Variants in MAST2 observed in about 807,000 individuals in gnomAD.
MAST2 encodes microtubule-associated serine/threonine-protein kinase 2.
In MAST2, 70 loss-of-function variants were observed where a neutral mutation model predicts 147.4. The observed-to-expected ratio is 0.47, with a 90% CI of 0.39 to 0.58. The LOEUF (loss-of-function observed/expected upper bound fraction) is 0.58, where lower values mean the gene tolerates loss of function less well. Among genes scored for constraint, MAST2 ranks in the 20% least tolerant of loss-of-function variants. MAST2 has a pLI of 0.00. For synonymous variants in MAST2, 869 were observed against 896.8 expected, an observed-to-expected ratio of 0.97 and a Z score of 0.55; for missense variants, 2,080 against 2,302.3, an observed-to-expected ratio of 0.90 and a Z score of 1.98.
chr1:45,910,805 G>T (rs1208046635), intron 4 of MAST2, among the ~76,000 whole-genome samples: 3 of 152,142 alleles, frequency 2.0e-5, no homozygotes, highest in Admixed American at 2.0e-4. Flanking sequence ...CATAATCTCA[G>T]GCAGAGTTCT....
intron 4 of MAST2, among the ~76,000 whole-genome samples, chr1:45,884,921 G>A (rs1647017881): frequency 6.6e-6 from 1 of 152,190 alleles, no homozygotes; most frequent in Admixed American, 6.5e-5. Flanking sequence ...AACAGTTAAA[G>A]TTCCATGGTA....
intron 4 of MAST2, among the ~76,000 whole-genome samples, chr1:45,898,290 T>G (rs1649112043): frequency 6.6e-6 from 1 of 152,118 alleles, no homozygotes; most frequent in Admixed American, 6.5e-5. Context: ...AGCACATACG[T>G]CCTTATGATC....
rs13374118 is a variant in MAST2, at chr1:45,963,221, G to A, written c.592+3744G>A. ...CTGATGCCTCCAGCTTTGTTCTTTT[G>A]GCTTAGGATTGTCTTGGCAATGCGG... On this transcript the variant is annotated intron_variant, in intron 5 of 28. Coordinates refer to ENST00000361297, the MANE Select transcript of MAST2 (RefSeq NM_015112.3). 6.4e-3 allele frequency among the ~76,000 whole-genome samples: 979 copies of A among 152,216 alleles called. 13 individuals carry two copies. Among genetic ancestry groups the A allele is most frequent in the African/African-American group, 0.023 (935 of 41,526 alleles).
chr1:45,925,131 C>G (rs1423644298), intron 4 of MAST2, among the ~76,000 whole-genome samples: 3 of 152,152 alleles, frequency 2.0e-5, no homozygotes. Flanking sequence ...TGCTTAAGGT[C>G]TTAAGCCTCT....
At chr1:45,866,852 C>A (rs1249556843) in intron 3 of MAST2, among the ~76,000 whole-genome samples, 1 of 151,974 alleles carries the variant, frequency 6.6e-6, no homozygotes, top group Non-Finnish European at 1.5e-5. Context: ...AAGTGATTCT[C>A]CTGCCTCTGC....
chr1:45,928,231 T>G (rs1423226353), intron 4 of MAST2, among the ~76,000 whole-genome samples: 1 of 152,240 alleles, frequency 6.6e-6, no homozygotes, highest in East Asian at 1.9e-4. Flanking sequence ...AATCTCAAAT[T>G]TTATGTCATT....
chr1:45,998,278 T>A (rs1645136856), intron 6 of MAST2, among the ~76,000 whole-genome samples: 1 of 152,186 alleles, frequency 6.6e-6, no homozygotes, highest in Non-Finnish European at 1.5e-5. Context: ...GGAGTTCGTT[T>A]GGGGGATAAA....
chr1:45,814,330 T>C (rs569273414), intron 1 of MAST2, among the ~76,000 whole-genome samples: 1 of 152,252 alleles, frequency 6.6e-6, no homozygotes, highest in African/African-American at 2.4e-5. Context: ...TATTGCTCCA[T>C]TATTGCCCCT....
chr1:46,029,297 T>A, intron 18 of MAST2, 169 bp from the exon 19 acceptor site: 1 of 580,228 alleles, frequency 1.7e-6, no homozygotes, highest in Non-Finnish European at 3.1e-6. Flanking sequence ...GATCAAGCTA[T>A]GGTCTAGGAA....
Position 45,904,332 on chromosome 1 carries a change from C to G in MAST2, c.500+21937C>G, listed in dbSNP as rs567116372. Among the ~76,000 whole-genome samples the G allele has an allele frequency of 2.6e-5, 4 of 152,170 alleles. No homozygotes were observed. The East Asian group carries it at 7.7e-4, about 29-fold the overall frequency. ...GGGATTACAGGCGCCTGCCACCATG[C>G]CCGGTTAATTTTTATATTTTTAGTA... On this transcript the variant is annotated intron_variant, in intron 4 of 28. Coordinates refer to ENST00000361297, the MANE Select transcript of MAST2 (RefSeq NM_015112.3).
intron 3 of MAST2, among the ~76,000 whole-genome samples, chr1:45,873,820 GTT>G (rs1292164616): frequency 6.6e-6 from 1 of 151,912 alleles, no homozygotes; most frequent in Non-Finnish European, 1.5e-5. Context: ...TTGTTTGTTT[GTT>G]TTTGTTTTTT....
intron 15 of MAST2, 191 bp downstream of exon 15, chr1:46,024,171 A>G: frequency 1.7e-6 from 1 of 592,430 alleles, no homozygotes; most frequent in Non-Finnish European, 3.0e-6. Flanking sequence ...CCCTGCCTCT[A>G]CCATGAGAGG....
intron 3 of MAST2, among the ~76,000 whole-genome samples, chr1:45,830,978 G>T (rs1470650172): frequency 6.7e-6 from 1 of 149,288 alleles, no homozygotes; most frequent in Non-Finnish European, 1.5e-5. Context: ...TGAAGCTGTA[G>T]TGAGTTGTGA....
At chr1:45,931,183 C>G (rs1655228841) in intron 4 of MAST2, among the ~76,000 whole-genome samples, 1 of 152,162 alleles carries the variant, frequency 6.6e-6, no homozygotes, top group Non-Finnish European at 1.5e-5. Context: ...TGTTATTCGT[C>G]TTCTATCTCC....
chr1:45,868,239 C>T (rs776772912), intron 3 of MAST2, among the ~76,000 whole-genome samples: 2 of 152,122 alleles, frequency 1.3e-5, no homozygotes, highest in African/African-American at 4.8e-5. Context: ...GATTGAAGTT[C>T]CTTGTGAATT....
intron 4 of MAST2, among the ~76,000 whole-genome samples, chr1:45,909,632 C>T (rs950216042): frequency 6.6e-5 from 10 of 151,654 alleles, no homozygotes; most frequent in Admixed American, 2.0e-4. Context: ...ATTCTTCTAC[C>T]TCAGCCTGCC....
At chr1:45,943,920 G>A (rs747515365) in intron 4 of MAST2, among the ~76,000 whole-genome samples, 5 of 152,092 alleles carry the variant, frequency 3.3e-5, no homozygotes, top group Admixed American at 6.5e-5. Flanking sequence ...ACCTATATAA[G>A]CAAGCAGTAT....
chr1:45,882,011 C>CAAA (rs1243217118), intron 3 of MAST2, among the ~76,000 whole-genome samples: 1 of 21,428 alleles, frequency 4.7e-5, no homozygotes, highest in Non-Finnish European at 8.3e-5. Flanking sequence ...CCCGTCTCTA[C>CAAA]TAAAAAAAAA....
intron 3 of MAST2, among the ~76,000 whole-genome samples, chr1:45,861,427 T>A (rs976194724): frequency 1.3e-5 from 2 of 152,048 alleles, no homozygotes; most frequent in South Asian, 2.1e-4. Flanking sequence ...TTTTTTTTTT[T>A]ACTCATCTCA....
Sources: gnomAD v4.1 joint callset for allele counts (sites outside exome capture counted in the v4.1 genomes callset) on GRCh38, gnomAD v4.1.1 for gene constraint, MANE v1.5 for transcripts, NCBI Gene and HGNC (gene_info 2026-07-23, HGNC 2026-07-21) for gene names.